Variants in PIBF1 observed in about 807,000 individuals in gnomAD.
PIBF1 encodes the protein progesterone-induced-blocking factor 1.
PIBF1 carries 90 observed loss-of-function variants against 112.5 expected under a neutral mutation model. That is an observed-to-expected ratio of 0.80 (90% CI 0.67 to 0.95). The LOEUF (loss-of-function observed/expected upper bound fraction) is 0.95. Ranked by LOEUF, PIBF1 falls within the 40% of genes least tolerant of loss-of-function variation. The pLI is 0.00. For synonymous variants in PIBF1, 301 were observed against 288.6 expected, an observed-to-expected ratio of 1.04 and a Z score of -0.44; for missense variants, 915 against 852.3, an observed-to-expected ratio of 1.07 and a Z score of -0.92.
intron 5 of PIBF1, among the ~76,000 whole-genome samples, chr13:72,804,741 A>G (rs957881319): frequency 6.6e-6 from 1 of 152,146 alleles, no homozygotes; most frequent in Non-Finnish European, 1.5e-5. Context: ...CCAGGGTGCC[A>G]TGTTTCGAGG....
At chr13:72,856,432 A>G (rs2038425542) in intron 10 of PIBF1, among the ~76,000 whole-genome samples, 2 of 152,168 alleles carry the variant, frequency 1.3e-5, no homozygotes, top group Admixed American at 1.3e-4. Flanking sequence ...TCAGAGCCCA[A>G]TTTTCAGCCA....
intron 11 of PIBF1, among the ~76,000 whole-genome samples, chr13:72,896,480 G>A (rs1280351041): frequency 6.6e-6 from 1 of 152,128 alleles, no homozygotes; most frequent in African/African-American, 2.4e-5. Flanking sequence ...AAAGAATTTA[G>A]GAGGTTAGTT....
intron 5 of PIBF1, among the ~76,000 whole-genome samples, chr13:72,818,278 G>T (rs1334915974): frequency 6.6e-6 from 1 of 152,068 alleles, no homozygotes; most frequent in Non-Finnish European, 1.5e-5. Flanking sequence ...TTCTTCATTT[G>T]CAGACCACTG....
intron 13 of PIBF1, among the ~76,000 whole-genome samples, chr13:72,927,260 C>G (rs957541345): frequency 6.6e-6 from 1 of 151,988 alleles, no homozygotes; most frequent in Non-Finnish European, 1.5e-5. Flanking sequence ...AATCCCAGCA[C>G]TATGGGAGGC....
At chr13:72,981,307 G>C (rs546340561) in intron 16 of PIBF1, among the ~76,000 whole-genome samples, 3 of 150,644 alleles carry the variant, frequency 2.0e-5, no homozygotes, top group Non-Finnish European at 4.4e-5. Context: ...ATAAAAAAAA[G>C]CTTTTGCCTC....
At chr13:72,822,720 A>G (rs114220880) in intron 6 of PIBF1, among the ~76,000 whole-genome samples, 2,284 of 152,368 alleles carry the variant, frequency 0.015, 63 homozygotes, top group African/African-American at 0.052. Flanking sequence ...GAATGATTTA[A>G]ATTGTGTAAT....
At chr13:72,792,954 ATTATAC>A (rs1165341013) in intron 3 of PIBF1, among the ~76,000 whole-genome samples, 1 of 152,222 alleles carries the variant, frequency 6.6e-6, no homozygotes, top group African/African-American at 2.4e-5. Flanking sequence ...GCCTATGGCA[ATTATAC>A]TTATGTAACT....
In PIBF1 at chr13:72,827,918, A is replaced by G; in HGVS notation, c.1097+4A>G. 6.5e-7 allele frequency: 1 copy of G among 1,543,792 alleles called. No individual in the cohort carries two copies. On this transcript the variant is annotated splice_donor_region_variant and intron_variant, in intron 8 of 17. Transcript: ENST00000326291. ...ATGAAAAATATGTAGCATCCAGGCA[A>G]GATTTGCATTATTTCCCACGTAAAT...
rs1396150238 is a variant in PIBF1, at chr13:73,010,805, C to CTTCTCTTT, written c.2224-5062_2224-5061insCTCTTTTT. 3.8e-5 allele frequency among the ~76,000 whole-genome samples: 2 copies of CTTCTCTTT among 52,594 alleles called. 1 individual carries two copies. The allele number at this position is 52,594 out of a possible 152,430, so 34.5% of individuals were successfully genotyped here. A position where few individuals can be genotyped will look rare whatever the true frequency, so the allele number is the denominator to read the frequency against. On this transcript the variant is annotated intron_variant, in intron 17 of 17. Transcript: ENST00000326291. Reference sequence around the variant, plus strand: ...AAAAGCTGAGCTGGAAAATCATTAACTTTTCTTTTTTTTTTTTTTTTTTTT... The same window carrying CTTCTCTTT: ...AAAAGCTGAGCTGGAAAATCATTAACTTCTCTTTTTTTCTTTTTTTTTTTTTTTTTTTT...
At chr13:72,956,771 A>G (rs1265597291) in intron 14 of PIBF1, among the ~76,000 whole-genome samples, 1 of 152,240 alleles carries the variant, frequency 6.6e-6, no homozygotes, top group Non-Finnish European at 1.5e-5. Context: ...ACATTAGACG[A>G]AGTCTAGAAT....
chr13:72,800,282 T>G (rs1262562098), intron 5 of PIBF1, among the ~76,000 whole-genome samples: 1 of 152,230 alleles, frequency 6.6e-6, no homozygotes, highest in Non-Finnish European at 1.5e-5. Flanking sequence ...GAGATCCACC[T>G]GCCTTGGCCT....
intron 13 of PIBF1, among the ~76,000 whole-genome samples, chr13:72,923,628 A>C (rs1431457175): frequency 6.6e-6 from 1 of 152,212 alleles, no homozygotes; most frequent in Non-Finnish European, 1.5e-5. Context: ...AACATTTAGC[A>C]AGAGTCATTT....
intron 10 of PIBF1, among the ~76,000 whole-genome samples, chr13:72,892,904 C>T (rs1258193405): frequency 6.6e-6 from 1 of 151,930 alleles, no homozygotes; most frequent in Non-Finnish European, 1.5e-5. Context: ...AAGCACTTAC[C>T]ATTGAATTTT....
At chr13:72,845,591 A>C (rs1285449701) in intron 9 of PIBF1, among the ~76,000 whole-genome samples, 1 of 152,162 alleles carries the variant, frequency 6.6e-6, no homozygotes, top group Non-Finnish European at 1.5e-5. Flanking sequence ...GAATCGCTAC[A>C]CTGTCTTCCA....
At chr13:72,824,237 G>C (rs978702832) in intron 6 of PIBF1, among the ~76,000 whole-genome samples, 2 of 147,866 alleles carry the variant, frequency 1.4e-5, no homozygotes, top group African/African-American at 5.0e-5. Context: ...GACTGGCCTT[G>C]AACTCCTGAC....
intron 10 of PIBF1, among the ~76,000 whole-genome samples, chr13:72,883,549 T>G (rs914582511): frequency 6.6e-6 from 1 of 152,164 alleles, no homozygotes; most frequent in Non-Finnish European, 1.5e-5. Context: ...TGTAGTGACA[T>G]GATCTCTGCC....
chr13:72,871,773 AG>A (rs1258417344), intron 10 of PIBF1, among the ~76,000 whole-genome samples: 1 of 152,224 alleles, frequency 6.6e-6, no homozygotes, highest in Non-Finnish European at 1.5e-5. Flanking sequence ...GTTCTACGCA[AG>A]AACTCTTAGT....
At chr13:72,959,810 TA>T (rs1470818421) in intron 14 of PIBF1, among the ~76,000 whole-genome samples, 1 of 152,202 alleles carries the variant, frequency 6.6e-6, no homozygotes, top group East Asian at 1.9e-4. Flanking sequence ...AACACTTCTG[TA>T]AAATGTTGTG....
chr13:72,885,483 C>T (rs1594122807), intron 10 of PIBF1, among the ~76,000 whole-genome samples: 2 of 152,078 alleles, frequency 1.3e-5, no homozygotes, highest in South Asian at 4.1e-4. Flanking sequence ...TTCATTCACT[C>T]AGTAAGCATT....
Sources: gnomAD v4.1 joint callset for allele counts (sites outside exome capture counted in the v4.1 genomes callset) on GRCh38, gnomAD v4.1.1 for gene constraint, MANE v1.5 for transcripts, NCBI Gene and HGNC (gene_info 2026-07-23, HGNC 2026-07-21) for gene names.